Variants in STMND1 observed in about 807,000 individuals in gnomAD.
STMND1 encodes stathmin domain containing 1.
A neutral mutation model predicts 23.0 loss-of-function variants in STMND1; 17 were observed. The ratio of observed to expected loss-of-function variants is 0.74; its 90% CI spans 0.51 to 1.11. The LOEUF is 1.11. STMND1 is among the 50% of genes least tolerant of loss of function. The pLI is 0.00. For missense variants in STMND1, 305 were observed against 329.1 expected (o/e 0.93, Z 0.57); for synonymous variants, 114 against 119.9 (o/e 0.95, Z 0.32).
chr6:17,115,592 T>C (rs1052588166), intron 2 of STMND1, among the ~76,000 whole-genome samples: 1 of 152,320 alleles, frequency 6.6e-6, no homozygotes, highest in Admixed American at 6.5e-5. Flanking sequence ...AACAAAAGAA[T>C]CTTTCAGAAA....
chr6:17,127,275 C>T (rs549416232), intron 3 of STMND1, among the ~76,000 whole-genome samples: 13 of 152,316 alleles, frequency 8.5e-5, no homozygotes, highest in South Asian at 2.1e-4. Flanking sequence ...ACACGCTGGG[C>T]GTGGAGGCTC....
intron 4 of STMND1, 37 bp from the exon 5 acceptor site, chr6:17,130,557 T>C (rs748089659): frequency 1.5e-4 from 215 of 1,431,128 alleles, no homozygotes; most frequent in Middle Eastern, 1.1e-3. Context: ...GAGAAAGTTA[T>C]TCACGCTCTT....
At position 17,115,130 on chromosome 6, in the gene STMND1, G is replaced by C. The variant is rs1385469216; in HGVS notation, c.250G>C (p.Val84Leu). Reference sequence around the variant, plus strand: ...ATCTCCTAGTGAAAGAAACAGACGAGTAAATTCAGGTAACCTCCCTCTGCC... The same window carrying C: ...ATCTCCTAGTGAAAGAAACAGACGACTAAATTCAGGTAACCTCCCTCTGCC... ...SPSPSERNRR[V>L]NSDLVTNGLI... is the part of the protein sequence containing the mutation. Residue 84 changes from valine (V) to leucine (L), a missense_variant, in exon 2 of 5, where the codon GTA becomes CTA. By Grantham distance (32) the Val-to-Leu change is conservative. Transcript: ENST00000536551. The C allele has an allele frequency of 3.4e-5, 52 of 1,533,948 alleles. No individual in the cohort carries two copies. The highest frequency in any genetic ancestry group is 4.5e-5 in the Non-Finnish European group (52 of 1,146,220).
At chr6:17,105,420 C>T (rs762086995) in intron 1 of STMND1, among the ~76,000 whole-genome samples, 2 of 152,072 alleles carry the variant, frequency 1.3e-5, no homozygotes, top group Non-Finnish European at 2.9e-5. Flanking sequence ...CTGAAGGGGG[C>T]GGATCACCTG....
intron 3 of STMND1, among the ~76,000 whole-genome samples, chr6:17,122,164 T>C (rs1761243303): frequency 6.6e-6 from 1 of 151,906 alleles, no homozygotes; most frequent in Admixed American, 6.6e-5. Flanking sequence ...TCTGACCGAG[T>C]TCTAAATTTT....
Position 17,110,057 on chromosome 6 carries a change from T to A in STMND1, c.82-4905T>A, listed in dbSNP as rs141410316. Among the ~76,000 whole-genome samples, 486 of 152,322 alleles carry A rather than the reference T, an allele frequency of 3.2e-3. 5 individuals are homozygous for A. Among genetic ancestry groups the A allele is most frequent in the African/African-American group, 0.011 (455 of 41,578 alleles). Reference sequence around the variant, plus strand: ...TTCCTGGACACACAATATGATTCCATCTCCCTGTCTTGTGTATGCTTTTCC... The same window carrying A: ...TTCCTGGACACACAATATGATTCCAACTCCCTGTCTTGTGTATGCTTTTCC... On this transcript the variant is annotated intron_variant, in intron 1 of 4. Coordinates refer to ENST00000536551, the MANE Select transcript of STMND1 (RefSeq NM_001190766.2).
Position 17,130,688 on chromosome 6 carries a change from T to C in STMND1, c.638T>C (p.Val213Ala). ...TCAGCTGAATTAGATGGGGCCGAGG[T>C]TGCATTTGCCAAAGGACTTCAAAGG... is the stretch of plus-strand genomic sequence containing the variant. The part of the protein sequence containing the change: ...SDSAELDGAE[V>A]AFAKGLQRVR... Residue 213 changes from valine (V) to alanine (A), a missense_variant, in exon 5 of 5, where the codon GTT becomes GCT. Physicochemically the swap from Val to Ala is moderately conservative, Grantham distance 64. Coordinates refer to ENST00000536551, the MANE Select transcript of STMND1 (RefSeq NM_001190766.2). 5 of 1,535,736 alleles carry C rather than the reference T, an allele frequency of 3.3e-6. No homozygotes were observed. Among genetic ancestry groups the C allele is most frequent in the Non-Finnish European group, 4.4e-6 (5 of 1,146,868 alleles).
chr6:17,127,270 C>G (rs1358699325), intron 3 of STMND1, among the ~76,000 whole-genome samples: 3 of 152,248 alleles, frequency 2.0e-5, no homozygotes, highest in African/African-American at 7.2e-5. Context: ...AATGCACACG[C>G]TGGGCGTGGA....
At position 17,115,133 on chromosome 6, in the gene STMND1, A is replaced by C. The variant is rs1386000819; in HGVS notation, c.253A>C (p.Asn85His). The C allele has an allele frequency of 6.5e-7, 1 of 1,534,328 alleles. No individual in the cohort carries two copies. The highest frequency in any genetic ancestry group is 2.0e-5 in the Admixed American group (1 of 50,670). Residue 85 changes from asparagine (N) to histidine (H), a missense_variant, in exon 2 of 5, where the codon AAT (asparagine) becomes CAT (histidine). Physicochemically the swap from Asn to His is moderately conservative, Grantham distance 68 (BLOSUM62 1). Coordinates refer to ENST00000536551, the MANE Select transcript of STMND1 (RefSeq NM_001190766.2). Reference protein sequence around the residue: ...PSPSERNRRVNSDLVTNGLIN... With the variant: ...PSPSERNRRVHSDLVTNGLIN... ...TCCTAGTGAAAGAAACAGACGAGTA[A>C]ATTCAGGTAACCTCCCTCTGCCCCC... is the stretch of plus-strand genomic sequence containing the variant.
Position 17,129,210 on chromosome 6 carries a change from G to A in STMND1, c.510G>A (p.Glu170=). 6.5e-7 allele frequency: 1 copy of A among 1,535,926 alleles called. No individual in the cohort carries two copies. The highest frequency in any genetic ancestry group is 8.7e-7 in the Non-Finnish European group (1 of 1,146,782). The change falls in exon 4 of 5, where the codon GAG becomes GAA. Residue 170 remains glutamate (E), a synonymous_variant. Transcript: ENST00000536551. The part of the protein sequence containing the change: ...QVKDFTMKDI[E]EKMEAAEERR... Reference sequence around the variant, plus strand: ...AGGATTTCACAATGAAGGACATCGAGGAGAAGATGGAGGCTGCCGAGGAGC... The same window carrying A: ...AGGATTTCACAATGAAGGACATCGAAGAGAAGATGGAGGCTGCCGAGGAGC...
At chr6:17,104,440 C>T (rs1760989382) in intron 1 of STMND1, among the ~76,000 whole-genome samples, 1 of 152,106 alleles carries the variant, frequency 6.6e-6, no homozygotes, top group African/African-American at 2.4e-5. Context: ...AAACTAATTT[C>T]GTTGCACAGC....
intron 3 of STMND1, among the ~76,000 whole-genome samples, chr6:17,126,519 G>T (rs1243289030): frequency 6.6e-6 from 1 of 152,044 alleles, no homozygotes; most frequent in African/African-American, 2.4e-5. Context: ...TTCTTTAGTG[G>T]ATCTTGGATT....
intron 4 of STMND1, among the ~76,000 whole-genome samples, chr6:17,129,726 C>T (rs1448293695): frequency 8.3e-4 from 117 of 140,892 alleles, no homozygotes; most frequent in South Asian, 2.3e-3. Context: ...CGCCTGTAGT[C>T]CCAGCTACTC....
chr6:17,103,720 C>T (rs181618126), intron 1 of STMND1, among the ~76,000 whole-genome samples: 167 of 152,068 alleles, frequency 1.1e-3, no homozygotes, highest in African/African-American at 3.7e-3. Flanking sequence ...GACAGGCGTG[C>T]GCCACCACGC....
intron 3 of STMND1, among the ~76,000 whole-genome samples, chr6:17,121,970 C>G (rs1437253849): frequency 6.6e-6 from 1 of 151,464 alleles, no homozygotes; most frequent in African/African-American, 2.4e-5. Flanking sequence ...TCAAGCGATT[C>G]TCCTGCCTCA....
rs758953202 is a variant in STMND1, at chr6:17,114,936, C to CT, written c.82-25dup. On this transcript the variant is annotated intron_variant, in intron 1 of 4. Transcript: ENST00000536551. ...TTTTATTTACCAAGAAATCTTGACT[C>CT]TAACAAAACTGTTCCCTTTTCACAG... The CT allele has an allele frequency of 6.7e-6, 10 of 1,491,896 alleles. No homozygotes were observed. The South Asian group carries it at 1.3e-4, about 19-fold the overall frequency. 92.4% of individuals were successfully genotyped at this position (1,491,896 alleles called of 1,614,324 possible). A position where few individuals can be genotyped will look rare whatever the true frequency, so the allele number is the denominator to read the frequency against.
chr6:17,125,077 G>A (rs1225235868), intron 3 of STMND1, among the ~76,000 whole-genome samples: 1 of 149,274 alleles, frequency 6.7e-6, no homozygotes, highest in Non-Finnish European at 1.5e-5. Flanking sequence ...AGGGCTTTAC[G>A]AGGCTCAGCT....
intron 1 of STMND1, chr6:17,110,479 A>G (rs777853321): frequency 5.1e-6 from 1 of 194,220 alleles, no homozygotes; most frequent in Admixed American, 5.4e-5. Context: ...ATCAATAGAC[A>G]TTAAATGAGT....
rs558890797 is a variant in STMND1 at position 17,125,490 on chromosome 6, TC to T, written c.412-3621del. 3.3e-4 allele frequency among the ~76,000 whole-genome samples: 51 copies of T among 152,342 alleles called. No individual in the cohort carries two copies. In the South Asian group the frequency reaches 1.0e-2, roughly 30 times the overall value. Reference sequence around the variant, plus strand: ...TGTGAATTCACTATTGACCTCTGTGTCTGGTCAAAGTTTATTCCCTTCTCTG... The same window carrying T: ...TGTGAATTCACTATTGACCTCTGTGTTGGTCAAAGTTTATTCCCTTCTCTG... On this transcript the variant is annotated intron_variant, in intron 3 of 4. Coordinates refer to ENST00000536551, the MANE Select transcript of STMND1 (RefSeq NM_001190766.2).
Sources: allele counts gnomAD v4.1 joint callset (sites outside exome capture counted in the v4.1 genomes callset), GRCh38; gene constraint gnomAD v4.1.1; transcripts MANE v1.5; gene names NCBI Gene and HGNC (gene_info 2026-07-23, HGNC 2026-07-21).